ARHGAP26: variants seen among roughly 807,000 people sequenced by gnomAD.
ARHGAP26 encodes the protein Rho GTPase activating protein 26.
ARHGAP26 carries 38 observed loss-of-function variants against 104.8 expected under a neutral mutation model. That is an observed-to-expected ratio of 0.36 (90% CI 0.28 to 0.48). ARHGAP26 has a LOEUF of 0.48. ARHGAP26 is among the 20% of genes least tolerant of loss of function. ARHGAP26 has a pLI of 0.99. For missense variants in ARHGAP26, 704 were observed against 947.9 expected, an observed-to-expected ratio of 0.74 and a Z score of 3.38; for synonymous variants, 341 against 340.0, an observed-to-expected ratio of 1.00 and a Z score of -0.03.
chr5:143,198,900 A>G (rs1807270547), intron 20 of ARHGAP26, among the ~76,000 whole-genome samples: 1 of 152,206 alleles, frequency 6.6e-6, no homozygotes, highest in Non-Finnish European at 1.5e-5. Flanking sequence ...GGTACAAATG[A>G]TCCCATCTCC....
intron 19 of ARHGAP26, among the ~76,000 whole-genome samples, chr5:143,142,134 C>T (rs1478922478): frequency 2.8e-5 from 3 of 105,342 alleles, no homozygotes; most frequent in Non-Finnish European, 5.3e-5. Flanking sequence ...CTACTTTTCA[C>T]TTTTTTTTTT....
intron 1 of ARHGAP26, among the ~76,000 whole-genome samples, chr5:142,822,081 A>G (rs1323617339): frequency 6.6e-6 from 1 of 152,200 alleles, no homozygotes; most frequent in Non-Finnish European, 1.5e-5. Context: ...TAAGGAAATG[A>G]TTGCACTGGC....
chr5:143,207,633 C>T (rs1808779513), intron 21 of ARHGAP26, among the ~76,000 whole-genome samples: 1 of 152,198 alleles, frequency 6.6e-6, no homozygotes, highest in Non-Finnish European at 1.5e-5. Context: ...CCCTTTTCAA[C>T]CCTGACTCAA....
At chr5:142,952,259 A>G (rs1233988368) in intron 11 of ARHGAP26, among the ~76,000 whole-genome samples, 1 of 152,038 alleles carries the variant, frequency 6.6e-6, no homozygotes, top group Non-Finnish European at 1.5e-5. Context: ...AGAGCAAGGG[A>G]CTTTTCTTTC....
intron 22 of ARHGAP26, chr5:143,216,220 C>G: frequency 2.1e-6 from 1 of 471,526 alleles, no homozygotes; most frequent in Non-Finnish European, 4.4e-6. Context: ...GCCATCTTCA[C>G]TGCCACACCG....
At chr5:142,890,469 G>C (rs1343236845) in intron 5 of ARHGAP26, among the ~76,000 whole-genome samples, 1 of 151,486 alleles carries the variant, frequency 6.6e-6, no homozygotes, top group Non-Finnish European at 1.5e-5. Flanking sequence ...GGGTTGGGCA[G>C]ATTATTACAC....
Position 143,224,552 on chromosome 5 carries a change from C to T in ARHGAP26, c.*2106C>T. Reference sequence around the variant, plus strand: ...TCTTCTCAGGTGTATTTCTTGGTACCCCCAAGATATCAGGCCAGAAAGAGA... The same window carrying T: ...TCTTCTCAGGTGTATTTCTTGGTACTCCCAAGATATCAGGCCAGAAAGAGA... On this transcript the variant is annotated 3_prime_UTR_variant, in exon 23 of 23. Coordinates refer to ENST00000645722, the MANE Select transcript of ARHGAP26 (RefSeq NM_001135608.3). The T allele has an allele frequency of 4.3e-6, 1 of 231,214 alleles. No individual in the cohort carries two copies. The highest frequency in any genetic ancestry group is 6.1e-5 in the East Asian group (1 of 16,334). The allele number at this position is 231,214 out of a possible 1,614,324, so 14.3% of individuals were successfully genotyped here. A position where few individuals can be genotyped will look rare whatever the true frequency, so the allele number is the denominator to read the frequency against.
chr5:143,197,260 A>G (rs1183645033), intron 20 of ARHGAP26, among the ~76,000 whole-genome samples: 1 of 152,210 alleles, frequency 6.6e-6, no homozygotes, highest in Admixed American at 6.5e-5. Flanking sequence ...GTCCAAGGGA[A>G]TGGTATCTTC....
intron 1 of ARHGAP26, among the ~76,000 whole-genome samples, chr5:142,777,731 G>T (rs1756629559): frequency 6.6e-6 from 1 of 152,150 alleles, no homozygotes; most frequent in Admixed American, 6.5e-5. Context: ...CAATGTAGGA[G>T]TCATTAGCGG....
chr5:143,131,980 G>A (rs952437814), intron 18 of ARHGAP26, among the ~76,000 whole-genome samples: 1 of 152,082 alleles, frequency 6.6e-6, no homozygotes, highest in African/African-American at 2.4e-5. Context: ...TGGTAAACTT[G>A]TTTTTTGGGG....
chr5:143,137,125 A>G (rs114443659), intron 19 of ARHGAP26, among the ~76,000 whole-genome samples: 2,733 of 152,306 alleles, frequency 0.018, 81 homozygotes, highest in African/African-American at 0.061. Context: ...CACGACTTCA[A>G]TGGTCTCACT....
At chr5:142,949,254 A>AGAGAGAGT (rs1767915082) in intron 11 of ARHGAP26, among the ~76,000 whole-genome samples, 1 of 136,692 alleles carries the variant, frequency 7.3e-6, no homozygotes, top group East Asian at 2.3e-4. Flanking sequence ...AGAGAGAGAG[A>AGAGAGAGT]GAGTTGAGAA....
intron 1 of ARHGAP26, among the ~76,000 whole-genome samples, chr5:142,848,901 A>G (rs1437065674): frequency 1.3e-5 from 2 of 152,180 alleles, no homozygotes; most frequent in African/African-American, 4.8e-5. Flanking sequence ...TCTTGGCCCT[A>G]CTAAGTAATG....
intron 11 of ARHGAP26, among the ~76,000 whole-genome samples, chr5:142,999,665 A>G (rs555383144): frequency 2.6e-5 from 4 of 152,202 alleles, no homozygotes; most frequent in East Asian, 1.9e-4. Context: ...ATCTAAAACT[A>G]TAAAGCCTTC....
intron 11 of ARHGAP26, among the ~76,000 whole-genome samples, chr5:142,994,744 G>A (rs1301669774): frequency 1.3e-5 from 2 of 152,222 alleles, no homozygotes; most frequent in African/African-American, 4.8e-5. Flanking sequence ...ATTATTGGCT[G>A]CTGTTTACTG....
At position 143,223,987 on chromosome 5, in the gene ARHGAP26, C is replaced by G. The variant is rs530172567; in HGVS notation, c.*1541C>G. ...ACAAACCGATGGACCGTCAAGCTCC[C>G]CAGGAGCCCCTTGGATGGCAGCGTT... On this transcript the variant is annotated 3_prime_UTR_variant, in exon 23 of 23. Coordinates refer to ENST00000645722, the MANE Select transcript of ARHGAP26 (RefSeq NM_001135608.3). 1.7e-5 allele frequency: 4 copies of G among 232,086 alleles called. No homozygotes were observed. In the Admixed American group the frequency reaches 2.3e-4, roughly 13 times the overall value. 14.4% of individuals were successfully genotyped at this position (232,086 alleles called of 1,614,324 possible). A position where few individuals can be genotyped will look rare whatever the true frequency, so the allele number is the denominator to read the frequency against.
At chr5:142,795,114 C>A (rs1760718446) in intron 1 of ARHGAP26, among the ~76,000 whole-genome samples, 1 of 152,058 alleles carries the variant, frequency 6.6e-6, no homozygotes, top group South Asian at 2.1e-4. Flanking sequence ...ACAGGTCATA[C>A]AAACACAAGG....
intron 8 of ARHGAP26, among the ~76,000 whole-genome samples, chr5:142,905,358 A>G (rs565406561): frequency 6.6e-6 from 1 of 152,194 alleles, no homozygotes; most frequent in South Asian, 2.1e-4. Flanking sequence ...TTGTTCCCTA[A>G]CACAGTCCAG....
chr5:143,019,155 T>C (rs1012064276), intron 12 of ARHGAP26, among the ~76,000 whole-genome samples: 1 of 152,150 alleles, frequency 6.6e-6, no homozygotes, highest in African/African-American at 2.4e-5. Flanking sequence ...GGAATCTATA[T>C]CAGTGACACC....
Sources: gnomAD v4.1 joint callset for allele counts (sites outside exome capture counted in the v4.1 genomes callset) on GRCh38, gnomAD v4.1.1 for gene constraint, MANE v1.5 for transcripts, NCBI Gene and HGNC (gene_info 2026-07-23, HGNC 2026-07-21) for gene names.